The following BCL6B variants were observed in gnomAD, a reference collection of about 807,000 sequenced individuals.
BCL6B encodes B-cell CLL/lymphoma 6 member B protein.
Under a neutral mutation model 44.6 loss-of-function variants are expected in BCL6B, and 28 were observed. That is an observed-to-expected ratio of 0.63 (90% CI 0.47 to 0.86). The LOEUF is 0.86. Among genes scored for constraint, BCL6B ranks in the 40% least tolerant of loss-of-function variants. The probability of loss-of-function intolerance (pLI) is 0.00; values close to 1 mark genes in which losing one functional copy is unlikely to be tolerated. For synonymous variants in BCL6B, 268 were observed against 263.6 expected, an observed-to-expected ratio of 1.02 and a Z score of -0.16; for missense variants, 626 against 652.3, an observed-to-expected ratio of 0.96 and a Z score of 0.44.
At position 7,025,301 on chromosome 17, in the gene BCL6B, T is replaced by C. The variant is rs938792082; in HGVS notation, c.889+101T>C. ...GCCTATTCCAATGGTTCCTAAACTT[T>C]ATTACAAATTAGAATCACCTAGGAA... On this transcript the variant is annotated intron_variant, in intron 5 of 8. Transcript: ENST00000293805. 7 of 1,468,390 alleles carry C rather than the reference T, an allele frequency of 4.8e-6. No homozygotes were observed. The African/African-American group carries it at 9.9e-5, about 21-fold the overall frequency. The allele number at this position is 1,468,390 out of a possible 1,614,324, so 91.0% of individuals were successfully genotyped here. A position where few individuals can be genotyped will look rare whatever the true frequency, so the allele number is the denominator to read the frequency against.
rs1472371921 is a variant in BCL6B, at chr17:7,028,791, G to A, written c.*1172G>A. On this transcript the variant is annotated 3_prime_UTR_variant, in exon 9 of 9. Coordinates refer to ENST00000293805, the MANE Select transcript of BCL6B (RefSeq NM_181844.4). ...CTTTAGCTTGATTAGATGGTAAACA[G>A]TGTTAACCCATCCTTTACTACAGAG... The A allele has an allele frequency of 2.0e-6, 2 of 985,286 alleles. No homozygotes were observed. Among genetic ancestry groups the A allele is most frequent in the Admixed American group, 6.1e-5 (1 of 16,272 alleles). The allele number at this position is 985,286 out of a possible 1,614,324, so 61.0% of individuals were successfully genotyped here. A position where few individuals can be genotyped will look rare whatever the true frequency, so the allele number is the denominator to read the frequency against.
chr17:7,024,915 TC>T lies in BCL6B; in HGVS notation c.764+153del. On this transcript the variant is annotated intron_variant, in intron 4 of 8. Transcript: ENST00000293805. This position sits in a 1 kb window ranked among gnomAD's most constrained non-coding sequence, Gnocchi z 6.6. The stretch of plus-strand genomic sequence containing the variant: ...GGAGCTGGCCAGAGACCAGGTTTAT[TC>T]AGCAGGGTGGCACTTGGGCAGTACA... 5 of 1,468,272 alleles carry T rather than the reference TC, an allele frequency of 3.4e-6. No individual in the cohort carries two copies. Among genetic ancestry groups the T allele is most frequent in the Non-Finnish European group, 3.6e-6 (4 of 1,107,560 alleles). The allele number at this position is 1,468,272 out of a possible 1,614,324, so 91.0% of individuals were successfully genotyped here.
At position 7,023,787 on chromosome 17, in the gene BCL6B, A is replaced by G; in HGVS notation, c.116A>G (p.Asp39Gly). ...CTGCGCCTGCGCGGGATCCTCACTG[A>G]CGTCACGCTGCTGGTTGGCGGGCAA... ...NELRLRGILTDVTLLVGGQPL... is the reference protein window; with the variant it reads ...NELRLRGILTGVTLLVGGQPL... Residue 39 changes from aspartate to glycine, a missense_variant, in exon 2 of 9, where the codon GAC becomes GGC. Coordinates refer to ENST00000293805, the MANE Select transcript of BCL6B (RefSeq NM_181844.4). 1 of 1,610,670 alleles carries G rather than the reference A, an allele frequency of 6.2e-7. No individual in the cohort carries two copies. The highest frequency in any genetic ancestry group is 1.1e-5 in the South Asian group (1 of 90,958).
At chr17:7,023,916 G>C in intron 2 of BCL6B, 66 bp downstream of exon 2, 3 of 1,573,224 alleles carry the variant, frequency 1.9e-6, no homozygotes, top group Non-Finnish European at 2.6e-6. Context: ...GCCGTTGAGA[G>C]GGAATCCGAA....
In BCL6B at chr17:7,024,598, T is replaced by C. The variant is rs768080399; in HGVS notation, c.599T>C (p.Ile200Thr). 6.2e-7 allele frequency: 1 copy of C among 1,614,084 alleles called. No homozygotes were observed. The highest frequency in any genetic ancestry group is 8.5e-7 in the Non-Finnish European group (1 of 1,180,014). The change falls in exon 4 of 9, where the codon ATC becomes ACC. Residue 200 changes from isoleucine to threonine, a missense_variant. Ile to Thr is a moderately conservative substitution (Grantham distance 89). Transcript: ENST00000293805. This position sits in a 1 kb window ranked among gnomAD's most constrained non-coding sequence, Gnocchi z 6.6. ...TGCAACTGGAAAAAGTACAAGTACATCGTGCTAAACTCTCAGGCCTCCCAA... is the reference window on the plus strand; with the variant it reads ...TGCAACTGGAAAAAGTACAAGTACACCGTGCTAAACTCTCAGGCCTCCCAA... ...KACNWKKYKY[I>T]VLNSQASQAG...
chr17:7,024,837 GT>G lies in BCL6B; in HGVS notation c.764+75del. On this transcript the variant is annotated intron_variant, in intron 4 of 8. Transcript: ENST00000293805. The surrounding 1 kb of genome is among the most constrained non-coding windows in gnomAD (Gnocchi z 6.6). ...AAGACAGAGTCATTGGGCCTTGATG[GT>G]CAGGAGGAAGGGAGATAGGTGGTGG... 1 of 1,510,694 alleles carries G rather than the reference GT, an allele frequency of 6.6e-7. No individual in the cohort carries two copies. The highest frequency in any genetic ancestry group is 8.8e-7 in the Non-Finnish European group (1 of 1,130,188). The allele number at this position is 1,510,694 out of a possible 1,614,324, so 93.6% of individuals were successfully genotyped here.
In BCL6B at chr17:7,028,195, T is replaced by G. The variant is rs151108787; in HGVS notation, c.*576T>G. 1.0e-3 allele frequency: 1,025 copies of G among 985,786 alleles called. 6 individuals are homozygous for G. In the African/African-American group the frequency reaches 0.017, roughly 16 times the overall value. The allele number at this position is 985,786 out of a possible 1,614,324, so 61.1% of individuals were successfully genotyped here. A position where few individuals can be genotyped will look rare whatever the true frequency, so the allele number is the denominator to read the frequency against. ...CTGTTTGTTTGCTTGTTAGTTTGTT[T>G]AAAATGGAAAAAGGGGTTCTCTGTG... On this transcript the variant is annotated 3_prime_UTR_variant, in exon 9 of 9. Transcript: ENST00000293805.
Position 7,024,803 on chromosome 17 carries a change from C to G in BCL6B, c.764+40C>G, listed in dbSNP as rs568933325. 1.9e-5 allele frequency: 30 copies of G among 1,556,266 alleles called. No individual in the cohort carries two copies. In the African/African-American group the frequency reaches 3.0e-4, roughly 16 times the overall value. On this transcript the variant is annotated intron_variant, in intron 4 of 8. Coordinates refer to ENST00000293805, the MANE Select transcript of BCL6B (RefSeq NM_181844.4). This position sits in a 1 kb window ranked among gnomAD's most constrained non-coding sequence, Gnocchi z 6.6. ...ACCTCAAGAATTTGTCAGAGCTGGC[C>G]TCAGCTAGAAGACAGAGTCATTGGG...
chr17:7,026,676 C>G (rs1361517584), intron 6 of BCL6B, 29 bp from the exon 7 acceptor site: 1 of 1,614,224 alleles, frequency 6.2e-7, no homozygotes, highest in Non-Finnish European at 8.5e-7. Flanking sequence ...AGGGCAAAGT[C>G]CCTGATCTCC....
intron 5 of BCL6B, 52 bp downstream of exon 5, chr17:7,025,252 T>G (rs780868067): frequency 1.9e-6 from 3 of 1,605,316 alleles, no homozygotes; most frequent in Admixed American, 1.7e-5. Context: ...CAGGCAAGTT[T>G]GTGCCAAAAA....
At position 7,024,102 on chromosome 17, in the gene BCL6B, T is replaced by G; in HGVS notation, c.199T>G (p.Phe67Val). Residue 67 changes from phenylalanine (F) to valine (V), a missense_variant, in exon 3 of 9, where the codon TTC (phenylalanine) becomes GTC (valine). Physicochemically the swap from Phe to Val is conservative, Grantham distance 50. Coordinates refer to ENST00000293805, the MANE Select transcript of BCL6B (RefSeq NM_181844.4). This position sits in a 1 kb window ranked among gnomAD's most constrained non-coding sequence, Gnocchi z 6.6. ...IACSGFFYSI[F>V]RGRAGVGVDV... ...CTCTAGTGGCTTCTTCTATTCAATT[T>G]TCCGGGGCCGTGCGGGAGTCGGGGT... 1 of 1,613,992 alleles carries G rather than the reference T, an allele frequency of 6.2e-7. No homozygotes were observed. The highest frequency in any genetic ancestry group is 1.1e-5 in the South Asian group (1 of 91,088).
chr17:7,024,114 G>A lies in BCL6B; in HGVS notation c.211G>A (p.Ala71Thr). The change falls in exon 3 of 9, where the codon GCG (alanine) becomes ACG (threonine). Residue 71 changes from alanine to threonine, a missense_variant. Ala to Thr is a moderately conservative substitution (Grantham distance 58, BLOSUM62 0). Coordinates refer to ENST00000293805, the MANE Select transcript of BCL6B (RefSeq NM_181844.4). The surrounding 1 kb of genome is among the most constrained non-coding windows in gnomAD (Gnocchi z 6.6). Reference protein sequence around the residue: ...GFFYSIFRGRAGVGVDVLSLP... With the variant: ...GFFYSIFRGRTGVGVDVLSLP... ...CTTCTATTCAATTTTCCGGGGCCGT[G>A]CGGGAGTCGGGGTGGACGTGCTCTC... 6.2e-7 allele frequency: 1 copy of A among 1,614,028 alleles called. No individual in the cohort carries two copies. The highest frequency in any genetic ancestry group is 8.5e-7 in the Non-Finnish European group (1 of 1,180,034).
chr17:7,025,360 A>G (rs552331991), intron 5 of BCL6B, among the ~76,000 whole-genome samples, 160 bp downstream of exon 5: 4 of 152,358 alleles, frequency 2.6e-5, no homozygotes, highest in East Asian at 3.9e-4. Context: ...GTCACACTCC[A>G]TAGATTAAAA....
chr17:7,025,699 C>T (rs1427206120), intron 5 of BCL6B, among the ~76,000 whole-genome samples: 5 of 151,882 alleles, frequency 3.3e-5, no homozygotes, highest in African/African-American at 1.2e-4. Flanking sequence ...TAGCCGGGCA[C>T]GGTGGTGCAC....
At chr17:7,025,289 G>C (rs9902924) in intron 5 of BCL6B, 89 bp downstream of exon 5, 23,446 of 1,514,792 alleles carry the variant, frequency 0.015, 659 homozygotes, top group African/African-American at 0.1. Flanking sequence ...TATTCCAATG[G>C]TTCCTAAACT....
Position 7,029,473 on chromosome 17 carries a change from C to A in BCL6B, c.*1854C>A. On this transcript the variant is annotated 3_prime_UTR_variant, in exon 9 of 9. Transcript: ENST00000293805. ...TCTTCTCCCTCTTCCCTCTTTCTCC[C>A]CATGGCCCCACTGCAGAATTAAAGA... The A allele has an allele frequency of 9.5e-7, 1 of 1,047,768 alleles. No homozygotes were observed. The highest frequency in any genetic ancestry group is 2.9e-5 in the South Asian group (1 of 34,732). The allele number at this position is 1,047,768 out of a possible 1,614,324, so 64.9% of individuals were successfully genotyped here.
Position 7,023,337 on chromosome 17 carries a change from C to T in BCL6B, c.-13+238C>T, listed in dbSNP as rs985548546. On this transcript the variant is annotated intron_variant, in intron 1 of 8. Transcript: ENST00000293805. ...CAGGGTTGGACACCTGAGACACAGG[C>T]GCGCAGAGGGGAGTGGCGGTGCTGG... is the stretch of plus-strand genomic sequence containing the variant. The T allele has an allele frequency of 5.3e-5, 18 of 337,482 alleles. No homozygotes were observed. The East Asian group carries it at 5.4e-4, about 10-fold the overall frequency. 20.9% of individuals were successfully genotyped at this position (337,482 alleles called of 1,614,324 possible). A position where few individuals can be genotyped will look rare whatever the true frequency, so the allele number is the denominator to read the frequency against.
At chr17:7,027,132 C>T (rs763004269) in intron 8 of BCL6B, 45 bp downstream of exon 8, 1 of 1,609,500 alleles carries the variant, frequency 6.2e-7, no homozygotes, top group South Asian at 1.1e-5. Flanking sequence ...AATTACCTCT[C>T]CTTTGCCTAG....
intron 5 of BCL6B, among the ~76,000 whole-genome samples, chr17:7,025,695 G>C (rs1910265829): frequency 6.6e-6 from 1 of 151,898 alleles, no homozygotes; most frequent in South Asian, 2.1e-4. Flanking sequence ...AAATTAGCCG[G>C]GCACGGTGGT....
Sources: allele counts gnomAD v4.1 joint callset (sites outside exome capture counted in the v4.1 genomes callset), GRCh38; gene constraint gnomAD v4.1.1; non-coding constraint Gnocchi (gnomAD v3.1); transcripts MANE v1.5; gene names NCBI Gene and HGNC (gene_info 2026-07-23, HGNC 2026-07-21).